KBTBD11: variants seen among roughly 807,000 people sequenced by gnomAD.
KBTBD11 encodes the protein kelch repeat and BTB domain-containing protein 11.
For synonymous variants in KBTBD11, 747 were observed against 499.0 expected (o/e 1.50, Z -6.63); for missense variants, 1,390 against 1,001.8 (o/e 1.39, Z -5.23).
At chr8:1,974,098 G>C (rs1816223534) in intron 1 of KBTBD11, 163 bp downstream of exon 1, 2 of 158,330 alleles carry the variant, frequency 1.3e-5, no homozygotes, top group Non-Finnish European at 1.8e-5. Context: ...GCGGGGAGGG[G>C]AGGCCGGCAG....
rs1483741079 is a variant in KBTBD11, at chr8:2,006,816, C to T, written c.*3752C>T. ...CCAAGTTCAGGGCAGCTGTTGTGAT[C>T]TGTGTAGTTAATGTATTTATTAATG... is the stretch of plus-strand genomic sequence containing the variant. On this transcript the variant is annotated 3_prime_UTR_variant, in exon 2 of 2. Coordinates refer to ENST00000320248, the MANE Select transcript of KBTBD11 (RefSeq NM_014867.3). 6.0e-6 allele frequency: 1 copy of T among 167,114 alleles called. No individual in the cohort carries two copies. Among genetic ancestry groups the T allele is most frequent in the Admixed American group, 6.5e-5 (1 of 15,300 alleles). 10.4% of individuals were successfully genotyped at this position (167,114 alleles called of 1,614,324 possible). A position where few individuals can be genotyped will look rare whatever the true frequency, so the allele number is the denominator to read the frequency against.
intron 1 of KBTBD11, among the ~76,000 whole-genome samples, chr8:1,989,670 C>T (rs146790787): frequency 5.4e-4 from 83 of 152,330 alleles, no homozygotes; most frequent in Non-Finnish European, 9.6e-4. Context: ...CTCTGCACGA[C>T]GCATCGCCTC....
chr8:1,988,256 A>T (rs1288729762), intron 1 of KBTBD11, among the ~76,000 whole-genome samples: 1 of 152,178 alleles, frequency 6.6e-6, no homozygotes, highest in Non-Finnish European at 1.5e-5. Context: ...CACTAATGGG[A>T]TGGCTGGGTC....
intron 1 of KBTBD11, among the ~76,000 whole-genome samples, chr8:1,997,762 C>A (rs572960968): frequency 6.6e-6 from 1 of 152,338 alleles, no homozygotes; most frequent in Admixed American, 6.5e-5. Flanking sequence ...TCTGAGAGGC[C>A]TTGTGATTCC....
chr8:1,988,337 C>T (rs1164749656), intron 1 of KBTBD11, among the ~76,000 whole-genome samples: 1 of 152,210 alleles, frequency 6.6e-6, no homozygotes, highest in Non-Finnish European at 1.5e-5. Context: ...AACTAGTTTA[C>T]ACTCCCACCA....
chr8:1,979,410 A>T, intron 1 of KBTBD11, among the ~76,000 whole-genome samples: 2 of 152,112 alleles, frequency 1.3e-5, no homozygotes, highest in South Asian at 4.1e-4. Context: ...TAGGCAGATC[A>T]CTTGAGGTCA....
chr8:1,986,196 G>A (rs1473147152), intron 1 of KBTBD11, among the ~76,000 whole-genome samples: 1 of 152,184 alleles, frequency 6.6e-6, no homozygotes, highest in African/African-American at 2.4e-5. Context: ...ATTTTCCCTG[G>A]ATCTAAAGCA....
At chr8:1,977,935 C>T (rs1394576961) in intron 1 of KBTBD11, among the ~76,000 whole-genome samples, 2 of 152,210 alleles carry the variant, frequency 1.3e-5, no homozygotes, top group Non-Finnish European at 1.5e-5. Flanking sequence ...GTATCACGAC[C>T]CTTGTTCCAA....
At chr8:1,986,559 A>C (rs1207460969) in intron 1 of KBTBD11, among the ~76,000 whole-genome samples, 1 of 152,192 alleles carries the variant, frequency 6.6e-6, no homozygotes, top group African/African-American at 2.4e-5. Context: ...GTTTTTATTT[A>C]GATTCCCGTA....
intron 1 of KBTBD11, among the ~76,000 whole-genome samples, chr8:1,988,898 C>G (rs896148419): frequency 6.7e-6 from 1 of 150,056 alleles, no homozygotes; most frequent in East Asian, 1.9e-4. Flanking sequence ...GTAAATCTAA[C>G]AGATTGACAG....
In KBTBD11 at chr8:1,973,829, G is replaced by T. The variant is rs1010456514; in HGVS notation, c.-1015G>T. On this transcript the variant is annotated 5_prime_UTR_variant, in exon 1 of 2. Coordinates refer to ENST00000320248, the MANE Select transcript of KBTBD11 (RefSeq NM_014867.3). ...CCGCTCGCAGGTGCTCGGAGAGGCC[G>T]GGCCGCGGCTCCCACAGGTGCCGGG... 1.0e-6 allele frequency: 1 copy of T among 983,032 alleles called. No homozygotes were observed. Among genetic ancestry groups the T allele is most frequent in the Non-Finnish European group, 1.2e-6 (1 of 829,096 alleles). 60.9% of individuals were successfully genotyped at this position (983,032 alleles called of 1,614,324 possible).
chr8:2,001,404 C>CGCGGG lies in KBTBD11; in HGVS notation c.213_217dup (p.Val73GlyfsTer109), dbSNP rs1817346661. On this transcript the variant is annotated frameshift_variant, in exon 2 of 2. Transcript: ENST00000320248. LOFTEE classifies it low-confidence loss of function (END_TRUNC). The stretch of plus-strand genomic sequence containing the variant: ...ACCTCCCCGCCCTCCAGCGGTGGCC[C>CGCGGG]GCGGGTGGTGGAGCGGCAGTGGGAG... The CGCGGG allele has an allele frequency of 7.1e-7, 1 of 1,406,128 alleles. No homozygotes were observed. Among genetic ancestry groups the CGCGGG allele is most frequent in the Non-Finnish European group, 9.2e-7 (1 of 1,083,792 alleles). 87.1% of individuals were successfully genotyped at this position (1,406,128 alleles called of 1,614,324 possible).
intron 1 of KBTBD11, among the ~76,000 whole-genome samples, chr8:1,994,166 A>G (rs544396904): frequency 6.6e-6 from 1 of 152,262 alleles, no homozygotes; most frequent in South Asian, 2.1e-4. Flanking sequence ...ACTTCTTCCA[A>G]TTAAGTCCTG....
chr8:1,999,915 C>T (rs73546558), intron 1 of KBTBD11, among the ~76,000 whole-genome samples: 1 of 152,160 alleles, frequency 6.6e-6, no homozygotes, highest in Non-Finnish European at 1.5e-5. Flanking sequence ...ATGCTACTTA[C>T]ACTTTTTATG....
At chr8:1,977,724 T>TG (rs1354260295) in intron 1 of KBTBD11, among the ~76,000 whole-genome samples, 17 of 152,040 alleles carry the variant, frequency 1.1e-4, no homozygotes, top group Non-Finnish European at 1.5e-5. Context: ...TTAGTAGAGA[T>TG]GGGGTCTCAG....
chr8:1,990,542 C>T (rs878919906), intron 1 of KBTBD11, among the ~76,000 whole-genome samples: 2 of 42,188 alleles, frequency 4.7e-5, no homozygotes. Flanking sequence ...GTAGATGCTG[C>T]GGGGCCTTGG....
rs764986542 is a variant in KBTBD11, at chr8:2,002,707, C to G, written c.1515C>G (p.Phe505Leu). The change falls in exon 2 of 2, where the codon TTC becomes TTG. Residue 505 changes from phenylalanine to leucine, a missense_variant. Phe to Leu is a conservative substitution (Grantham distance 22, BLOSUM62 0). Transcript: ENST00000320248. This position sits in a 1 kb window ranked among gnomAD's most constrained non-coding sequence, Gnocchi z 4.1. ...CTCTCGACGGCTTCATCTACCGCTT[C>G]GATCTGAGCGGCAGCCGCGGCGAGG... ...MVALDGFIYRFDLSGSRGEAQ... is the reference protein window; with the variant it reads ...MVALDGFIYRLDLSGSRGEAQ... 3.3e-6 allele frequency: 5 copies of G among 1,536,312 alleles called. No homozygotes were observed. Among genetic ancestry groups the G allele is most frequent in the African/African-American group, 2.8e-5 (2 of 71,126 alleles).
Position 1,982,920 on chromosome 8 carries a change from A to G in KBTBD11, c.-909+8985A>G, listed in dbSNP as rs562130085. On this transcript the variant is annotated intron_variant, in intron 1 of 1. Transcript: ENST00000320248. ...TTTGTACTTTTAGTAGACATGGGGT[A>G]TTGCCATGTTGTCCAGGCTGGTGTT... is the stretch of plus-strand genomic sequence containing the variant. Among the ~76,000 whole-genome samples the G allele has an allele frequency of 3.8e-4, 58 of 152,154 alleles. 1 individual carries two copies. The highest frequency in any genetic ancestry group is 6.9e-4 in the Non-Finnish European group (47 of 67,996).
chr8:1,997,102 C>T (rs944619067), intron 1 of KBTBD11, among the ~76,000 whole-genome samples: 2 of 152,110 alleles, frequency 1.3e-5, no homozygotes, highest in Non-Finnish European at 2.9e-5. Flanking sequence ...CCCTTGTTGA[C>T]GATCACCCAG....
Sources: allele counts gnomAD v4.1 joint callset (sites outside exome capture counted in the v4.1 genomes callset), GRCh38; gene constraint gnomAD v4.1.1; non-coding constraint Gnocchi (gnomAD v3.1); transcripts MANE v1.5; gene names NCBI Gene and HGNC (gene_info 2026-07-23, HGNC 2026-07-21).